FAM120C: variants seen among roughly 807,000 people sequenced by gnomAD.
The protein encoded by FAM120C is family with sequence similarity 120 member C.
Under a neutral mutation model 71.2 loss-of-function variants are expected in FAM120C, and 14 were observed. The observed-to-expected ratio is 0.20, with a 90% CI of 0.13 to 0.31. The LOEUF is 0.31. FAM120C is among the 10% of genes least tolerant of loss of function. The probability of loss-of-function intolerance (pLI) is 1.00; values close to 1 mark genes in which losing one functional copy is unlikely to be tolerated. For synonymous variants in FAM120C, 354 were observed against 353.2 expected, an observed-to-expected ratio of 1.00 and a Z score of -0.03; for missense variants, 500 against 879.0, an observed-to-expected ratio of 0.57 and a Z score of 5.45.
At chrX:54,128,987 T>A (rs1557128603) in intron 9 of FAM120C, among the ~76,000 whole-genome samples, 1 of 110,526 alleles carries the variant, frequency 9.0e-6, no homozygotes, top group Admixed American at 9.5e-5. Flanking sequence ...AGCTGTTGGG[T>A]ACACCTCCCA....
chrX:54,140,507 C>T (rs782094290), intron 4 of FAM120C, among the ~76,000 whole-genome samples: 7 of 105,205 alleles, frequency 6.7e-5, no homozygotes, highest in African/African-American at 2.4e-4. Context: ...GTAATCCCAG[C>T]TACTCAGGAG....
chrX:54,118,613 GTAT>G (rs1278585296), intron 9 of FAM120C, among the ~76,000 whole-genome samples: 1 of 106,297 alleles, frequency 9.4e-6, no homozygotes, highest in Non-Finnish European at 1.9e-5. Context: ...CCGGGATATG[GTAT>G]TATCACTATT....
At chrX:54,080,401 G>T in intron 14 of FAM120C, 112 bp from the exon 15 acceptor site, 1 of 567,850 alleles carries the variant, frequency 1.8e-6, no homozygotes, top group Non-Finnish European at 3.0e-6. Flanking sequence ...TCAGTCAGAT[G>T]CCCCTTCTCA....
At chrX:54,091,248 A>C in intron 11 of FAM120C, 64 bp downstream of exon 11, 2 of 764,721 alleles carry the variant, frequency 2.6e-6, no homozygotes, top group Non-Finnish European at 3.8e-6. Flanking sequence ...GGAAAAAAAA[A>C]AGACCTAAAG....
intron 11 of FAM120C, among the ~76,000 whole-genome samples, chrX:54,090,016 T>C (rs1322135920): frequency 9.1e-6 from 1 of 110,208 alleles, no homozygotes; most frequent in Non-Finnish European, 1.9e-5. Flanking sequence ...TTACTTTACA[T>C]AGTATCCTCA....
chrX:54,154,206 G>A (rs1603362712), intron 3 of FAM120C, among the ~76,000 whole-genome samples: 1 of 107,356 alleles, frequency 9.3e-6, no homozygotes, highest in African/African-American at 3.4e-5. Flanking sequence ...TTAAGAAGTA[G>A]GTATATTTTT....
chrX:54,173,322 CA>C (rs1272491677), intron 1 of FAM120C, among the ~76,000 whole-genome samples: 1 of 112,318 alleles, frequency 8.9e-6, no homozygotes, highest in East Asian at 2.8e-4. Flanking sequence ...AATCTCGGCT[CA>C]CCACAACCTC....
In FAM120C at chrX:54,106,036, T is replaced by A. The variant is rs782170950; in HGVS notation, c.2312+10509A>T. Among the ~76,000 whole-genome samples, 25 of 112,019 alleles carry A rather than the reference T, an allele frequency of 2.2e-4. No homozygotes were observed. The South Asian group carries it at 9.0e-3, about 40-fold the overall frequency. On this transcript the variant is annotated intron_variant, in intron 10 of 15. Coordinates refer to ENST00000375180, the MANE Select transcript of FAM120C (RefSeq NM_017848.6). ...CCCCATCAAACTACCAATGACTTTC[T>A]TCACAGAATTGGAAAAAAACTACTT...
intron 1 of FAM120C, among the ~76,000 whole-genome samples, chrX:54,166,944 AG>A (rs1322376295): frequency 9.0e-6 from 1 of 111,169 alleles, no homozygotes; most frequent in Non-Finnish European, 1.9e-5. Flanking sequence ...GCTGAATAAA[AG>A]CAGAACATAT....
chrX:54,146,238 A>G (rs1557132371), intron 4 of FAM120C, among the ~76,000 whole-genome samples: 1 of 111,525 alleles, frequency 9.0e-6, no homozygotes, highest in South Asian at 3.8e-4. Context: ...GCACACCAAC[A>G]TGGCACATGT....
rs911815966 is a variant in FAM120C, at chrX:54,149,388, A to G, written c.1158+1857T>C. ...CGCGGTAGCTCACGCCTGTAATCCC[A>G]GCACTTTGGGAGGCCAAGACAGGTG... On this transcript the variant is annotated intron_variant, in intron 4 of 15. Transcript: ENST00000375180. Among the ~76,000 whole-genome samples, 4 of 111,928 alleles carry G rather than the reference A, an allele frequency of 3.6e-5. No individual in the cohort carries two copies. The East Asian group carries it at 1.1e-3, about 31-fold the overall frequency.
At chrX:54,105,247 G>A (rs1557124660) in intron 10 of FAM120C, among the ~76,000 whole-genome samples, 3 of 111,704 alleles carry the variant, frequency 2.7e-5, no homozygotes, top group Non-Finnish European at 5.6e-5. Context: ...TGCAAGGCTG[G>A]TTCAATATAC....
intron 4 of FAM120C, among the ~76,000 whole-genome samples, chrX:54,139,240 T>C (rs782564140): frequency 9.0e-6 from 1 of 111,561 alleles, no homozygotes; most frequent in South Asian, 3.7e-4. Flanking sequence ...TGTCCCACCA[T>C]ACAGCCCTAG....
At chrX:54,141,147 A>G (rs1386226700) in intron 4 of FAM120C, among the ~76,000 whole-genome samples, 1 of 111,549 alleles carries the variant, frequency 9.0e-6, no homozygotes. Flanking sequence ...AGAAGAGGAA[A>G]GAACTCTTGC....
intron 15 of FAM120C, among the ~76,000 whole-genome samples, chrX:54,079,260 C>CA (rs1334413922): frequency 0.018 from 816 of 45,632 alleles, 11 homozygotes; most frequent in African/African-American, 0.041. Flanking sequence ...AGACTCATCT[C>CA]AAAAAAAAAA....
In FAM120C at chrX:54,073,130, C is replaced by T. The variant is rs1049697161; in HGVS notation, c.3194G>A (p.Cys1065Tyr). The T allele has an allele frequency of 1.7e-5, 20 of 1,211,405 alleles. No homozygotes were observed. The highest frequency in any genetic ancestry group is 3.5e-5 in the African/African-American group (2 of 57,793). ...QCALSRDSNE[C>Y]NNGNRYLPMN... ...AGGGAGGTAGCGGTTACCATTATTA[C>T]ACTCATTGCTGTCTCTGGATAAGGC... Residue 1065 changes from cysteine to tyrosine, a missense_variant, in exon 16 of 16, where the codon TGT becomes TAT. Cys to Tyr is a radical substitution (Grantham distance 194, BLOSUM62 -2). Around this residue, in one of 11 missense-constraint regions of FAM120C, gnomAD observed 85 missense variants for 96.1 expected, o/e 0.88. Coordinates refer to ENST00000375180, the MANE Select transcript of FAM120C (RefSeq NM_017848.6).
At chrX:54,129,728 C>A (rs1234981239) in intron 9 of FAM120C, among the ~76,000 whole-genome samples, 1 of 112,245 alleles carries the variant, frequency 8.9e-6, no homozygotes, top group Non-Finnish European at 1.9e-5. Context: ...AGCCTGGGCA[C>A]CATTGAGCAC....
chrX:54,157,908 T>C (rs898401209), intron 2 of FAM120C, 137 bp from the exon 3 acceptor site: 1 of 442,295 alleles, frequency 2.3e-6, no homozygotes, highest in Admixed American at 3.8e-5. Flanking sequence ...TTACAGTAGT[T>C]CTGTGTTGAT....
At chrX:54,126,425 C>G (rs1309708797) in intron 9 of FAM120C, among the ~76,000 whole-genome samples, 2 of 111,785 alleles carry the variant, frequency 1.8e-5, no homozygotes, top group Non-Finnish European at 3.8e-5. Context: ...ATGCCAAACC[C>G]ACGTATATAG....
Sources: gnomAD v4.1 joint callset for allele counts (sites outside exome capture counted in the v4.1 genomes callset) on GRCh38, gnomAD v4.1.1 for gene constraint, gnomAD v4.1.1 regional missense constraint, MANE v1.5 for transcripts, NCBI Gene and HGNC (gene_info 2026-07-23, HGNC 2026-07-21) for gene names.